BCL2L14: variants seen among roughly 807,000 people sequenced by gnomAD.
BCL2L14 encodes the protein BCL2 like 14, also known as apoptosis facilitator Bcl-2-like protein 14.
Under a neutral mutation model 35.3 loss-of-function variants are expected in BCL2L14, and 27 were observed. That is an observed-to-expected ratio of 0.76 (90% CI 0.56 to 1.05). The LOEUF (loss-of-function observed/expected upper bound fraction) is 1.05, where lower values mean the gene tolerates loss of function less well. BCL2L14 is among the 50% of genes least tolerant of loss of function. The pLI is 0.00. For missense variants in BCL2L14, 377 were observed against 382.6 expected (o/e 0.99, Z 0.12); for synonymous variants, 139 against 145.9 (o/e 0.95, Z 0.34).
rs200779523 is a variant in BCL2L14, at chr12:12,079,714, G to A, written c.409G>A (p.Val137Met). Reference sequence around the variant, plus strand: ...GCAGTGGTCCAGGTGTCTTTCTAACGTGGAGCAGTGCTTGGAGCATGAAGG... The same window carrying A: ...GCAGTGGTCCAGGTGTCTTTCTAACATGGAGCAGTGCTTGGAGCATGAAGG... ...SQQWSRCLSN[V>M]EQCLEHEAVD... The change falls in exon 2 of 6, where the codon GTG becomes ATG. Residue 137 changes from valine (V) to methionine (M), a missense_variant. Physicochemically the swap from Val to Met is conservative, Grantham distance 21 (BLOSUM62 1). Coordinates refer to ENST00000308721, the MANE Select transcript of BCL2L14 (RefSeq NM_138723.2). 1.7e-5 allele frequency: 27 copies of A among 1,614,072 alleles called. No individual in the cohort carries two copies. The highest frequency in any genetic ancestry group is 8.3e-5 in the Admixed American group (5 of 60,018).
At chr12:12,068,431 C>G (rs1444288948), upstream of BCL2L14, among the ~76,000 whole-genome samples, 4 of 151,990 alleles carry the variant, frequency 2.6e-5, no homozygotes, top group Admixed American at 6.6e-5. Context: ...GAGACAGGGT[C>G]TTACTCTGTC....
intron 2 of BCL2L14, among the ~76,000 whole-genome samples, chr12:12,063,242 G>C (rs11054659): frequency 0.82 from 120,076 of 146,348 alleles, 49,360 homozygotes; most frequent in East Asian, 0.92. Context: ...GATATCTCCT[G>C]GTGCTATCCC....
At chr12:12,082,441 C>A (rs1323948330) in intron 2 of BCL2L14, among the ~76,000 whole-genome samples, 1 of 152,226 alleles carries the variant, frequency 6.6e-6, no homozygotes, top group Non-Finnish European at 1.5e-5. Flanking sequence ...TTCTACTTGG[C>A]CTGTACTGTG....
At chr12:12,061,499 C>G (rs1948525423) in intron 2 of BCL2L14, among the ~76,000 whole-genome samples, 1 of 22,356 alleles carries the variant, frequency 4.5e-5, no homozygotes, top group South Asian at 5.7e-3. Context: ...TAGAACAAGA[C>G]AAGCCTTACA....
chr12:12,080,049 C>CA (rs1948878077), intron 2 of BCL2L14, among the ~76,000 whole-genome samples: 1 of 152,122 alleles, frequency 6.6e-6, no homozygotes, highest in South Asian at 2.1e-4. Flanking sequence ...CTAAAAAATA[C>CA]AAAAAATTAG....
chr12:12,064,707 C>T (rs1948573029), intron 2 of BCL2L14, among the ~76,000 whole-genome samples: 1 of 152,200 alleles, frequency 6.6e-6, no homozygotes. Context: ...CAACCAGTGC[C>T]TCTTTGTCAG....
intron 2 of BCL2L14, among the ~76,000 whole-genome samples, chr12:12,084,801 T>C (rs1949007018): frequency 6.6e-6 from 1 of 152,058 alleles, no homozygotes; most frequent in South Asian, 2.1e-4. Context: ...CCCACAGAAA[T>C]CAATACCCTG....
At chr12:12,094,224 G>C (rs533118114) in intron 4 of BCL2L14, among the ~76,000 whole-genome samples, 3 of 152,254 alleles carry the variant, frequency 2.0e-5, no homozygotes, top group African/African-American at 7.2e-5. Flanking sequence ...GCATAGCTAA[G>C]TAAGAGGTGG....
At chr12:12,097,478 G>A (rs1949341162) in intron 5 of BCL2L14, among the ~76,000 whole-genome samples, 1 of 152,234 alleles carries the variant, frequency 6.6e-6, no homozygotes, top group Non-Finnish European at 1.5e-5. Flanking sequence ...GAAGTGTCCA[G>A]AATAGGCAAA....
intron 1 of BCL2L14, among the ~76,000 whole-genome samples, chr12:12,072,915 C>G (rs1368738332): frequency 2.0e-5 from 3 of 151,478 alleles, no homozygotes; most frequent in African/African-American, 7.3e-5. Flanking sequence ...AAGAGAGTGT[C>G]TCCCTCTGCC....
chr12:12,097,247 A>G (rs1364455644), intron 5 of BCL2L14, among the ~76,000 whole-genome samples: 2 of 152,266 alleles, frequency 1.3e-5, no homozygotes, highest in Admixed American at 1.3e-4. Context: ...TTGTACATGA[A>G]TGTTCATAGC....
chr12:12,070,189 C>T (rs1434263568), upstream of BCL2L14, among the ~76,000 whole-genome samples: 2 of 152,086 alleles, frequency 1.3e-5, no homozygotes, highest in African/African-American at 4.8e-5. Context: ...CCTTTTTGAA[C>T]ACTTTTCCAG....
chr12:12,084,994 G>T (rs376697881), intron 2 of BCL2L14, among the ~76,000 whole-genome samples: 33 of 149,274 alleles, frequency 2.2e-4, no homozygotes, highest in African/African-American at 7.7e-4. Context: ...GAGGCAGAGA[G>T]AATGGCTTGA....
rs1263403427 is a variant in BCL2L14 at position 12,099,621 on chromosome 12, G to A, written c.*633G>A. The A allele has an allele frequency of 6.6e-6, 1 of 152,176 alleles. No individual in the cohort carries two copies. Among genetic ancestry groups the A allele is most frequent in the Non-Finnish European group, 1.5e-5 (1 of 68,054 alleles). The allele number at this position is 152,176 out of a possible 1,614,324, so 9.4% of individuals were successfully genotyped here. On this transcript the variant is annotated 3_prime_UTR_variant, in exon 6 of 6. Coordinates refer to ENST00000308721, the MANE Select transcript of BCL2L14 (RefSeq NM_138723.2). ...CACCTCTTCTTCCCAAGGTCCCTGG[G>A]ACTTCCTCATTCTTTGTGGTAGTAC...
chr12:12,089,376 A>G, intron 3 of BCL2L14, among the ~76,000 whole-genome samples: 1 of 148,786 alleles, frequency 6.7e-6, no homozygotes. Flanking sequence ...TCTCAATAAA[A>G]AAAAAAAAAA....
chr12:12,087,900 G>A lies in BCL2L14; in HGVS notation c.607+514G>A, dbSNP rs377452134. 5.3e-5 allele frequency among the ~76,000 whole-genome samples: 8 copies of A among 152,290 alleles called. No homozygotes were observed. The East Asian group carries it at 7.7e-4, about 15-fold the overall frequency. On this transcript the variant is annotated intron_variant, in intron 3 of 5. Coordinates refer to ENST00000308721, the MANE Select transcript of BCL2L14 (RefSeq NM_138723.2). ...TCACCCAAACCATAGCAATAGCTGA[G>A]ACTGTAGATCCCATCAGGCTGGTGG... is the stretch of plus-strand genomic sequence containing the variant.
At position 12,079,607 on chromosome 12, in the gene BCL2L14, A is replaced by C; in HGVS notation, c.302A>C (p.Glu101Ala). 1 of 1,614,208 alleles carries C rather than the reference A, an allele frequency of 6.2e-7. No individual in the cohort carries two copies. The highest frequency in any genetic ancestry group is 8.5e-7 in the Non-Finnish European group (1 of 1,180,044). The stretch of plus-strand genomic sequence containing the variant: ...TGGAAAGCATTCTTTGGAGTAGTGG[A>C]GAAGGAAGATTCGCAGAGCACGCCT... ...SSWKAFFGVV[E>A]KEDSQSTPAK... The change falls in exon 2 of 6, where the codon GAG becomes GCG. Residue 101 changes from glutamate (E) to alanine (A), a missense_variant. Physicochemically the swap from Glu to Ala is moderately radical, Grantham distance 107 (BLOSUM62 -1). Transcript: ENST00000308721.
chr12:12,058,775 G>A (rs188945043), intron 2 of BCL2L14, among the ~76,000 whole-genome samples: 10 of 152,228 alleles, frequency 6.6e-5, no homozygotes, highest in African/African-American at 2.2e-4. Context: ...TCACACCGAC[G>A]CGCATGAAAT....
chr12:12,060,844 T>C (rs551258546), intron 2 of BCL2L14, among the ~76,000 whole-genome samples: 1 of 128,170 alleles, frequency 7.8e-6, no homozygotes, highest in African/African-American at 3.0e-5. Flanking sequence ...CTTCTCAGCT[T>C]AGCGGCTGAA....
Sources: allele counts gnomAD v4.1 joint callset (sites outside exome capture counted in the v4.1 genomes callset), GRCh38; gene constraint gnomAD v4.1.1; transcripts MANE v1.5; gene names NCBI Gene and HGNC (gene_info 2026-07-23, HGNC 2026-07-21).